Variants in ZNF469 observed in about 807,000 individuals in gnomAD.
ZNF469 encodes the protein zinc finger protein 469.
A neutral mutation model predicts 1.0 loss-of-function variants in ZNF469; 1 was observed. The observed-to-expected ratio is 1.00, with a 90% CI of 0.35 to 4.73. The LOEUF (loss-of-function observed/expected upper bound fraction) is 4.73, where lower values mean the gene tolerates loss of function less well. ZNF469 is among the 30% of genes most tolerant of loss of function. ZNF469 has a pLI of 0.16. For missense variants in ZNF469, 6,100 were observed against 5,356.3 expected, an observed-to-expected ratio of 1.14 and a Z score of -4.33; for synonymous variants, 2,703 against 2,363.4, an observed-to-expected ratio of 1.14 and a Z score of -4.17.
the ZNF469 span, among the ~76,000 whole-genome samples, chr16:88,143,652 G>A: frequency 6.6e-6 from 1 of 152,252 alleles, no homozygotes; most frequent in African/African-American, 2.4e-5. Context: ...CTGCCTTTGT[G>A]TCTGACGTCT....
the ZNF469 span, among the ~76,000 whole-genome samples, chr16:88,293,871 C>G: frequency 5.9e-5 from 9 of 152,156 alleles, no homozygotes; most frequent in African/African-American, 7.2e-5. Context: ...AAAGGTTTCT[C>G]TTAGCCTTCG....
chr16:88,204,156 G>T, the ZNF469 span, among the ~76,000 whole-genome samples: 1 of 150,702 alleles, frequency 6.6e-6, no homozygotes, highest in South Asian at 2.1e-4. Flanking sequence ...TAGAGCAGCC[G>T]GAGGCGCCCC....
chr16:88,436,770 G>T lies in ZNF469; in HGVS notation c.9300G>T (p.Arg3100Ser). ...RRTEEAAGAG[R>S]AQGRGRPAKG... ...CAGAGGAGGCTGCAGGGGCAGGGAG[G>T]GCCCAAGGCAGAGGCCGGCCGGCCA... The change falls in exon 3 of 3, where the codon AGG becomes AGT. Residue 3100 changes from arginine (R) to serine (S), a missense_variant. Coordinates refer to ENST00000565624, the MANE Select transcript of ZNF469 (RefSeq NM_001367624.2). The T allele has an allele frequency of 6.5e-7, 1 of 1,546,642 alleles. No homozygotes were observed. Among genetic ancestry groups the T allele is most frequent in the South Asian group, 1.2e-5 (1 of 84,024 alleles).
chr16:88,336,788 C>T, the ZNF469 span, among the ~76,000 whole-genome samples: 7 of 152,226 alleles, frequency 4.6e-5, no homozygotes, highest in Admixed American at 1.3e-4. Flanking sequence ...CAAAGTTATG[C>T]GACCATCACC....
the ZNF469 span, among the ~76,000 whole-genome samples, chr16:88,319,105 G>C: frequency 6.6e-6 from 1 of 152,154 alleles, no homozygotes; most frequent in Non-Finnish European, 1.5e-5. Context: ...TCAGGCTTCC[G>C]ATGCATGCCT....
the ZNF469 span, among the ~76,000 whole-genome samples, chr16:88,359,239 T>A: frequency 2.6e-3 from 391 of 151,066 alleles, 1 homozygote; most frequent in African/African-American, 9.1e-3. Flanking sequence ...GGTCTGCTTC[T>A]GAGCGTCCCG....
the ZNF469 span, among the ~76,000 whole-genome samples, chr16:88,291,929 C>G: frequency 6.6e-6 from 1 of 152,192 alleles, no homozygotes; most frequent in Non-Finnish European, 1.5e-5. Flanking sequence ...GGCAGGGCCT[C>G]TGGGGCTCAG....
the ZNF469 span, among the ~76,000 whole-genome samples, chr16:88,123,963 C>A: frequency 6.6e-6 from 1 of 152,186 alleles, no homozygotes; most frequent in South Asian, 2.1e-4. Context: ...GCCACCACGC[C>A]CAGCTAATTT....
chr16:88,413,897 C>T (rs1164664991), intron 1 of ZNF469, among the ~76,000 whole-genome samples: 1 of 152,200 alleles, frequency 6.6e-6, no homozygotes, highest in African/African-American at 2.4e-5. Flanking sequence ...AGGCAGGTGC[C>T]ATGGAAGCAG....
At chr16:88,187,964 C>G in the ZNF469 span, among the ~76,000 whole-genome samples, 2 of 152,022 alleles carry the variant, frequency 1.3e-5, no homozygotes, top group East Asian at 1.9e-4. Flanking sequence ...AGGGGCTTTC[C>G]TGGGATGCAT....
the ZNF469 span, among the ~76,000 whole-genome samples, chr16:88,283,514 G>A: frequency 6.6e-6 from 1 of 152,234 alleles, no homozygotes; most frequent in Non-Finnish European, 1.5e-5. Flanking sequence ...TGGGTCACTG[G>A]ATGTGTGCTA....
chr16:88,412,364 A>G (rs1039739534), intron 1 of ZNF469, among the ~76,000 whole-genome samples: 2 of 150,798 alleles, frequency 1.3e-5, no homozygotes, highest in Non-Finnish European at 3.0e-5. Flanking sequence ...TCTGAGCCCT[A>G]CTGTGTGACC....
At chr16:88,133,614 T>C in the ZNF469 span, among the ~76,000 whole-genome samples, 17 of 151,760 alleles carry the variant, frequency 1.1e-4, no homozygotes, top group African/African-American at 4.1e-4. Flanking sequence ...TCAATAATTT[T>C]AATAAATCAA....
At chr16:88,106,887 C>T in the ZNF469 span, among the ~76,000 whole-genome samples, 1 of 150,892 alleles carries the variant, frequency 6.6e-6, no homozygotes. Flanking sequence ...GGAGGGGTGG[C>T]AGCAACGCCA....
chr16:88,374,337 G>C, the ZNF469 span, among the ~76,000 whole-genome samples: 1 of 152,242 alleles, frequency 6.6e-6, no homozygotes, highest in Admixed American at 6.5e-5. Flanking sequence ...AAAGCTGGCA[G>C]CAAGGGAGAG....
At chr16:88,184,238 C>T in the ZNF469 span, among the ~76,000 whole-genome samples, 1 of 152,052 alleles carries the variant, frequency 6.6e-6, no homozygotes, top group African/African-American at 2.4e-5. Context: ...CACCACAGGC[C>T]GAATTCCGGG....
At chr16:88,368,435 C>A in the ZNF469 span, among the ~76,000 whole-genome samples, 2 of 152,246 alleles carry the variant, frequency 1.3e-5, no homozygotes, top group African/African-American at 4.8e-5. Context: ...CATCCTTTCT[C>A]TTCAGGGCTT....
At chr16:88,247,380 A>ATGAGTGAATGAGTCAATCAG in the ZNF469 span, among the ~76,000 whole-genome samples, 1 of 149,388 alleles carries the variant, frequency 6.7e-6, no homozygotes, top group African/African-American at 2.5e-5. Flanking sequence ...GAGTGAGTGA[A>ATGAGTGAATGAGTCAATCAG]TGAATGAGTC....
the ZNF469 span, among the ~76,000 whole-genome samples, chr16:88,142,892 AC>A: frequency 2.0e-5 from 3 of 152,004 alleles, no homozygotes; most frequent in African/African-American, 7.3e-5. Flanking sequence ...TGGCATCGTC[AC>A]CCTCCACGCA....
Sources: allele counts gnomAD v4.1 joint callset (sites outside exome capture counted in the v4.1 genomes callset), GRCh38; gene constraint gnomAD v4.1.1; transcripts MANE v1.5; gene names NCBI Gene and HGNC (gene_info 2026-07-23, HGNC 2026-07-21).